Variants in TRMT1 observed in about 807,000 individuals in gnomAD.
The protein encoded by TRMT1 is tRNA (guanine(26)-N(2))-dimethyltransferase.
In TRMT1, 63 loss-of-function variants were observed where a neutral mutation model predicts 75.4. The ratio of observed to expected loss-of-function variants is 0.84; its 90% CI spans 0.68 to 1.03. The LOEUF is 1.03. Among genes scored for constraint, TRMT1 ranks in the 50% least tolerant of loss-of-function variants. The pLI is 0.00. For synonymous variants in TRMT1, 382 were observed against 358.1 expected, an observed-to-expected ratio of 1.07 and a Z score of -0.75; for missense variants, 870 against 905.3, an observed-to-expected ratio of 0.96 and a Z score of 0.50.
intron 14 of TRMT1, among the ~76,000 whole-genome samples, chr19:13,106,612 A>T (rs2145574738): frequency 6.6e-6 from 1 of 151,004 alleles, no homozygotes; most frequent in East Asian, 2.0e-4. Context: ...AGTAGCTGGG[A>T]CTACAGGCAT....
At chr19:13,113,309 A>C (rs554226210) in intron 5 of TRMT1, among the ~76,000 whole-genome samples, 37 of 152,138 alleles carry the variant, frequency 2.4e-4, no homozygotes, top group Admixed American at 4.6e-4. Context: ...GACTACAGAC[A>C]TGTGCCACCA....
At position 13,105,099 on chromosome 19, in the gene TRMT1, G is replaced by A. The variant is rs781499853; in HGVS notation, c.1834-18C>T. 1.4e-5 allele frequency: 22 copies of A among 1,566,882 alleles called. No individual in the cohort carries two copies. In the South Asian group the frequency reaches 2.6e-4, roughly 19 times the overall value. Reference sequence around the variant, plus strand: ...CAGGTGCCCTGGTGGGAAGATGGTGGGTGTGAACCCCTGCCCGGAGCTCAG... The same window carrying A: ...CAGGTGCCCTGGTGGGAAGATGGTGAGTGTGAACCCCTGCCCGGAGCTCAG... On this transcript the variant is annotated intron_variant, in intron 16 of 16. Coordinates refer to ENST00000357720, the MANE Select transcript of TRMT1 (RefSeq NM_001136035.4).
chr19:13,116,164 T>G lies in TRMT1; in HGVS notation c.236A>C (p.Glu79Ala), dbSNP rs2019343971. Residue 79 changes from glutamate to alanine, a missense_variant, in exon 2 of 17, where the codon GAA (glutamate) becomes GCA (alanine). Coordinates refer to ENST00000357720, the MANE Select transcript of TRMT1 (RefSeq NM_001136035.4). ...TGCTCACGTCAGGTCCCGATTGAAT[T>G]CCTGCACCGGGTTATAAAAGACCTC... is the stretch of plus-strand genomic sequence containing the variant. ...ANEVFYNPVQ[E>A]FNRDLTCAVI... is the part of the protein sequence containing the mutation. 1 of 1,614,128 alleles carries G rather than the reference T, an allele frequency of 6.2e-7. No individual in the cohort carries two copies. The highest frequency in any genetic ancestry group is 2.2e-5 in the East Asian group (1 of 44,886).
At chr19:13,115,573 CCT>C (rs2019310732) in intron 4 of TRMT1, 51 bp downstream of exon 4, 3 of 1,610,148 alleles carry the variant, frequency 1.9e-6, no homozygotes, top group South Asian at 1.1e-5. Context: ...CTCCAGGAGC[CCT>C]CTGTCTCCCG....
At chr19:13,113,766 T>C (rs2019230377) in intron 5 of TRMT1, among the ~76,000 whole-genome samples, 1 of 151,372 alleles carries the variant, frequency 6.6e-6, no homozygotes, top group South Asian at 2.1e-4. Context: ...CGTGCCACCA[T>C]GCCTGGCTAA....
intron 7 of TRMT1, among the ~76,000 whole-genome samples, chr19:13,111,152 T>C (rs1006587365): frequency 1.3e-5 from 2 of 152,064 alleles, no homozygotes; most frequent in Admixed American, 1.3e-4. Flanking sequence ...CAAGTGATCC[T>C]CCTGCCTCAG....
Position 13,115,520 on chromosome 19 carries a change from G to A in TRMT1, c.454-54C>T, listed in dbSNP as rs1365743373. 3.1e-6 allele frequency: 5 copies of A among 1,597,976 alleles called. No homozygotes were observed. The Admixed American group carries it at 6.8e-5, about 22-fold the overall frequency. ...ACATCTCCACCTCCATCCTCTTCTG[G>A]GCCCCAAGGAGCCCCCACCACCCAC... On this transcript the variant is annotated intron_variant, in intron 4 of 16. Transcript: ENST00000357720.
At chr19:13,109,085 G>GGTGTGTGTGTGT (rs57825932) in intron 12 of TRMT1, among the ~76,000 whole-genome samples, 5 of 147,272 alleles carry the variant, frequency 3.4e-5, no homozygotes, top group African/African-American at 1.2e-4. Flanking sequence ...CAGGCTAATG[G>GGTGTGTGTGTGT]GTGTGTGTGT....
intron 7 of TRMT1, among the ~76,000 whole-genome samples, chr19:13,112,122 C>A (rs1011040599): frequency 2.6e-5 from 4 of 151,444 alleles, no homozygotes; most frequent in African/African-American, 9.7e-5. Context: ...CCTGAGTAGC[C>A]GGGATTACAG....
At chr19:13,110,758 G>A (rs1398998552) in intron 7 of TRMT1, among the ~76,000 whole-genome samples, 1 of 152,136 alleles carries the variant, frequency 6.6e-6, no homozygotes, top group Non-Finnish European at 1.5e-5. Context: ...GACCAGCCTG[G>A]CTAACATGAT....
intron 7 of TRMT1, 121 bp from the exon 8 acceptor site, chr19:13,110,427 G>C: frequency 1.7e-6 from 2 of 1,209,314 alleles, no homozygotes; most frequent in South Asian, 3.2e-5. Flanking sequence ...GCCCACCCCT[G>C]AAAGTCCTGG....
chr19:13,115,801 A>AAGC (rs1293103306), intron 3 of TRMT1, 33 bp from the exon 4 acceptor site: 1 of 1,613,140 alleles, frequency 6.2e-7, no homozygotes, highest in East Asian at 2.2e-5. Context: ...GTCAGAGAAT[A>AAGC]ACAAGGTCCC....
chr19:13,111,106 C>T (rs902345367), intron 7 of TRMT1, among the ~76,000 whole-genome samples: 1 of 152,196 alleles, frequency 6.6e-6, no homozygotes, highest in East Asian at 1.9e-4. Context: ...TGCAGTGGCA[C>T]TATCAAAGCT....
chr19:13,112,690 C>A lies in TRMT1; in HGVS notation c.870+15G>T. The A allele has an allele frequency of 1.2e-6, 2 of 1,607,316 alleles. No individual in the cohort carries two copies. The highest frequency in any genetic ancestry group is 1.7e-6 in the Non-Finnish European group (2 of 1,178,400). Reference sequence around the variant, plus strand: ...TCCCCCGGTCTCCCTGGCTGGCTGGCAGAGGGCCCCTCACCATCTCGTGGC... The same window carrying A: ...TCCCCCGGTCTCCCTGGCTGGCTGGAAGAGGGCCCCTCACCATCTCGTGGC... On this transcript the variant is annotated intron_variant, in intron 7 of 16. Coordinates refer to ENST00000357720, the MANE Select transcript of TRMT1 (RefSeq NM_001136035.4).
intron 12 of TRMT1, 56 bp downstream of exon 12, chr19:13,109,325 G>T: frequency 6.2e-7 from 1 of 1,600,410 alleles, no homozygotes; most frequent in Non-Finnish European, 8.5e-7. Flanking sequence ...CCCTGGACTT[G>T]CCCCAGGCCA....
chr19:13,108,278 C>T (rs1423815127), intron 12 of TRMT1, among the ~76,000 whole-genome samples: 4 of 147,128 alleles, frequency 2.7e-5, no homozygotes, highest in East Asian at 2.1e-4. Flanking sequence ...AGTGAGCCAC[C>T]GTGCCTGGCC....
intron 7 of TRMT1, among the ~76,000 whole-genome samples, 198 bp downstream of exon 7, chr19:13,112,507 A>G (rs1023827195): frequency 4.6e-5 from 7 of 152,218 alleles, no homozygotes; most frequent in Non-Finnish European, 7.3e-5. Flanking sequence ...ACTGTCCCCA[A>G]ATGACCATGA....
In TRMT1 at chr19:13,105,329, G is replaced by A. The variant is rs1333979847; in HGVS notation, c.1771C>T (p.Pro591Ser). 6.2e-7 allele frequency: 1 copy of A among 1,614,022 alleles called. No individual in the cohort carries two copies. The highest frequency in any genetic ancestry group is 8.5e-7 in the Non-Finnish European group (1 of 1,180,036). The change falls in exon 16 of 17, where the codon CCG becomes TCG. Residue 591 changes from proline to serine, a missense_variant. Physicochemically the swap from Pro to Ser is moderately conservative, Grantham distance 74 (BLOSUM62 -1). Coordinates refer to ENST00000357720, the MANE Select transcript of TRMT1 (RefSeq NM_001136035.4). ...RLLQNKRKEP[P>S]EDVAQRAARL... is the part of the protein sequence containing the mutation. ...GCAGCCCGCTGGGCCACATCTTCCG[G>A]CGGCTCCTTCCGCTTGTTCTGAAGC...
intron 7 of TRMT1, among the ~76,000 whole-genome samples, chr19:13,112,048 C>T (rs1345682402): frequency 2.0e-5 from 3 of 151,316 alleles, no homozygotes; most frequent in African/African-American, 4.9e-5. Context: ...TGGCGTGCAG[C>T]GGAGTGATCT....
Sources: allele counts gnomAD v4.1 joint callset (sites outside exome capture counted in the v4.1 genomes callset), GRCh38; gene constraint gnomAD v4.1.1; transcripts MANE v1.5; gene names NCBI Gene and HGNC (gene_info 2026-07-23, HGNC 2026-07-21).